Variants in JAZF1 observed in about 807,000 individuals in gnomAD.
JAZF1 encodes JAZF zinc finger 1.
In JAZF1, 8 loss-of-function variants were observed where a neutral mutation model predicts 26.4. The ratio of observed to expected loss-of-function variants is 0.30; its 90% confidence interval spans 0.18 to 0.55. The LOEUF (loss-of-function observed/expected upper bound fraction) is 0.55, where lower values mean the gene tolerates loss of function less well. Among genes scored for constraint, JAZF1 ranks in the 20% least tolerant of loss-of-function variants. The pLI is 0.94. For missense variants in JAZF1, 199 were observed against 322.0 expected (o/e 0.62, Z 2.92); for synonymous variants, 126 against 122.3 (o/e 1.03, Z -0.20).
intron 1 of JAZF1, among the ~76,000 whole-genome samples, chr7:28,177,821 C>T: frequency 6.6e-6 from 1 of 152,184 alleles, no homozygotes; most frequent in East Asian, 1.9e-4. Context: ...TTTATATTTT[C>T]ACCCATGTCT....
At chr7:27,836,668 T>C (rs1308328925) in intron 4 of JAZF1, among the ~76,000 whole-genome samples, 3 of 152,092 alleles carry the variant, frequency 2.0e-5, no homozygotes, top group Admixed American at 2.0e-4. Context: ...TGGTGGGGGT[T>C]AAAAGTGAAA....
chr7:28,001,977 C>A (rs193230865), intron 1 of JAZF1, among the ~76,000 whole-genome samples: 1 of 152,298 alleles, frequency 6.6e-6, no homozygotes, highest in East Asian at 1.9e-4. Flanking sequence ...AGGTCTGCTT[C>A]TGACATGTGG....
At position 27,840,591 on chromosome 7, in the gene JAZF1, TC is replaced by T. The variant is rs1311046972; in HGVS notation, c.555+106del. The T allele has an allele frequency of 1.8e-5, 21 of 1,153,782 alleles. No homozygotes were observed. Among genetic ancestry groups the T allele is most frequent in the Non-Finnish European group, 2.0e-5 (16 of 792,820 alleles). 71.5% of individuals were successfully genotyped at this position (1,153,782 alleles called of 1,614,324 possible). ...CTCTAATGCAGGAGAGGGGAGTGTC[TC>T]CCCCCAGCCCATACGCTCGCTTTAA... On this transcript the variant is annotated intron_variant, in intron 4 of 4. Transcript: ENST00000283928. This position sits in a 1 kb window ranked among gnomAD's most constrained non-coding sequence, Gnocchi z 5.1.
intron 1 of JAZF1, among the ~76,000 whole-genome samples, chr7:28,126,210 C>G (rs960957829): frequency 6.6e-6 from 1 of 152,196 alleles, no homozygotes; most frequent in Non-Finnish European, 1.5e-5. Flanking sequence ...GTGCTTGCCT[C>G]ACTTTCACTC....
intron 2 of JAZF1, among the ~76,000 whole-genome samples, chr7:27,986,266 C>A (rs2128363585): frequency 6.6e-6 from 1 of 152,356 alleles, no homozygotes; most frequent in South Asian, 2.1e-4. Flanking sequence ...TCAGCGAAGT[C>A]TCAGGATACA....
At chr7:28,152,333 T>C (rs539328107) in intron 1 of JAZF1, among the ~76,000 whole-genome samples, 16 of 152,340 alleles carry the variant, frequency 1.1e-4, no homozygotes, top group Admixed American at 7.8e-4. Flanking sequence ...CTAAAAGTCC[T>C]GTATTTGGAA....
chr7:27,840,577 G>A lies in JAZF1; in HGVS notation c.555+121C>T, dbSNP rs111984675. The stretch of plus-strand genomic sequence containing the variant: ...GTGAGGCCCACGCACTCTAATGCAG[G>A]AGAGGGGAGTGTCTCCCCCCAGCCC... On this transcript the variant is annotated intron_variant, in intron 4 of 4. Transcript: ENST00000283928. This position sits in a 1 kb window ranked among gnomAD's most constrained non-coding sequence, Gnocchi z 5.1. 11 of 1,018,766 alleles carry A rather than the reference G, an allele frequency of 1.1e-5. No individual in the cohort carries two copies. In the African/African-American group the frequency reaches 1.1e-4, roughly 10 times the overall value. 63.1% of individuals were successfully genotyped at this position (1,018,766 alleles called of 1,614,324 possible). A position where few individuals can be genotyped will look rare whatever the true frequency, so the allele number is the denominator to read the frequency against.
Position 27,962,758 on chromosome 7 carries a change from A to AG in JAZF1, c.188+29150_188+29151insC, listed in dbSNP as rs1785206440. Among the ~76,000 whole-genome samples the AG allele has an allele frequency of 3.9e-5, 6 of 152,338 alleles. No individual in the cohort carries two copies. The South Asian group carries it at 1.2e-3, about 32-fold the overall frequency. On this transcript the variant is annotated intron_variant, in intron 2 of 4. Transcript: ENST00000283928. ...TGTATTTAGTCCTGGAATTAAAATCACGTCTAATCAGCAAGAAAAGCAGTT... is the reference window on the plus strand; with the variant it reads ...TGTATTTAGTCCTGGAATTAAAATCAGCGTCTAATCAGCAAGAAAAGCAGTT...
At chr7:28,000,622 C>CTTTTTTTTTT (rs1190147547) in intron 1 of JAZF1, among the ~76,000 whole-genome samples, 1 of 62,072 alleles carries the variant, frequency 1.6e-5, no homozygotes, top group African/African-American at 4.1e-5. Flanking sequence ...TTCTTTCTTT[C>CTTTTTTTTTT]TTTTTTTTTT....
intron 1 of JAZF1, among the ~76,000 whole-genome samples, chr7:28,035,830 T>G (rs978222078): frequency 6.6e-6 from 1 of 152,178 alleles, no homozygotes; most frequent in Non-Finnish European, 1.5e-5. Context: ...ATTTCAATTC[T>G]AAAGCAACAG....
intron 2 of JAZF1, among the ~76,000 whole-genome samples, chr7:27,931,857 G>A (rs563548268): frequency 8.4e-4 from 128 of 152,152 alleles, no homozygotes; most frequent in African/African-American, 3.0e-3. Flanking sequence ...AGGTTGCAGT[G>A]AGCCAAGATC....
chr7:27,984,400 C>G (rs1475430671), intron 2 of JAZF1, among the ~76,000 whole-genome samples: 1 of 152,182 alleles, frequency 6.6e-6, no homozygotes, highest in African/African-American at 2.4e-5. Context: ...ACAAGAAGAG[C>G]TAACTATCCT....
At chr7:28,170,533 T>C (rs1332666926) in intron 1 of JAZF1, among the ~76,000 whole-genome samples, 1 of 152,178 alleles carries the variant, frequency 6.6e-6, no homozygotes, top group Non-Finnish European at 1.5e-5. Context: ...ATTTTAGAAC[T>C]GCCAAATTAT....
intron 1 of JAZF1, among the ~76,000 whole-genome samples, chr7:28,154,816 T>G (rs1650163970): frequency 1.3e-5 from 2 of 151,198 alleles, no homozygotes; most frequent in Non-Finnish European, 2.9e-5. Flanking sequence ...ACTAAGATGA[T>G]GCCTACAATA....
chr7:27,960,691 A>T (rs569668498), intron 2 of JAZF1, among the ~76,000 whole-genome samples: 12 of 152,340 alleles, frequency 7.9e-5, no homozygotes, highest in African/African-American at 2.6e-4. Flanking sequence ...TCTGGCAAAA[A>T]GTAAAGCCAC....
chr7:28,166,219 A>G (rs1180445228), intron 1 of JAZF1, among the ~76,000 whole-genome samples: 1 of 152,218 alleles, frequency 6.6e-6, no homozygotes, highest in Non-Finnish European at 1.5e-5. Flanking sequence ...AATATATTCT[A>G]TAAGACTAAA....
chr7:28,157,996 T>C (rs777127024), intron 1 of JAZF1, among the ~76,000 whole-genome samples: 5 of 151,992 alleles, frequency 3.3e-5, no homozygotes, highest in Non-Finnish European at 7.4e-5. Flanking sequence ...GCAGCAGGGA[T>C]TGCCCAATGT....
chr7:27,856,782 T>C (rs1409011932), intron 3 of JAZF1, among the ~76,000 whole-genome samples: 2 of 152,184 alleles, frequency 1.3e-5, no homozygotes. Context: ...ATCCCTTAGC[T>C]AGACATGAAG....
chr7:27,961,145 T>C (rs1451265198), intron 2 of JAZF1, among the ~76,000 whole-genome samples: 1 of 152,224 alleles, frequency 6.6e-6, no homozygotes, highest in Non-Finnish European at 1.5e-5. Flanking sequence ...AACATTAACT[T>C]ATTTAGTACT....
Sources: allele counts gnomAD v4.1 joint callset (sites outside exome capture counted in the v4.1 genomes callset), GRCh38; gene constraint gnomAD v4.1.1; non-coding constraint Gnocchi (gnomAD v3.1); transcripts MANE v1.5; gene names NCBI Gene and HGNC (gene_info 2026-07-23, HGNC 2026-07-21).